Variants in DCUN1D5 observed in about 807,000 individuals in gnomAD.
DCUN1D5 encodes the protein DCN1-like protein 5.
In DCUN1D5, 10 loss-of-function variants were observed where a neutral mutation model predicts 38.3. The observed-to-expected ratio is 0.26, with a 90% CI of 0.16 to 0.44. DCUN1D5 has a LOEUF of 0.44. Among genes scored for constraint, DCUN1D5 ranks in the 20% least tolerant of loss-of-function variants. DCUN1D5 has a pLI of 1.00. For synonymous variants in DCUN1D5, 93 were observed against 90.9 expected (o/e 1.02, Z -0.13); for missense variants, 148 against 275.3 (o/e 0.54, Z 3.27).
chr11:103,088,430 A>T (rs547360218), intron 2 of DCUN1D5, among the ~76,000 whole-genome samples: 1 of 152,250 alleles, frequency 6.6e-6, no homozygotes, highest in Non-Finnish European at 1.5e-5. Flanking sequence ...ATGAGATAGT[A>T]TAAGTGTTCT....
chr11:103,059,772 C>G lies in DCUN1D5; in HGVS notation c.*2587G>C, dbSNP rs1354232617. ...AGTGGGGGGGTGGGGGGGTTGCAAT[C>G]TGTCCAATCAACATCTGGCTCTACT... On this transcript the variant is annotated 3_prime_UTR_variant, in exon 8 of 8. Coordinates refer to ENST00000260247, the MANE Select transcript of DCUN1D5 (RefSeq NM_032299.4). Among the ~76,000 whole-genome samples the G allele has an allele frequency of 1.3e-5, 2 of 151,900 alleles. No homozygotes were observed. Among genetic ancestry groups the G allele is most frequent in the Non-Finnish European group, 2.9e-5 (2 of 67,992 alleles).
intron 2 of DCUN1D5, among the ~76,000 whole-genome samples, chr11:103,085,328 C>T (rs1862675559): frequency 6.6e-6 from 1 of 152,076 alleles, no homozygotes; most frequent in Admixed American, 6.6e-5. Context: ...ATCCCAGCTA[C>T]GCAGGAGGCT....
rs1464384946 is a variant in DCUN1D5, at chr11:103,086,814, T to C, written c.178+2413A>G. On this transcript the variant is annotated intron_variant, in intron 2 of 7. Coordinates refer to ENST00000260247, the MANE Select transcript of DCUN1D5 (RefSeq NM_032299.4). The surrounding 1 kb of genome is among the most constrained non-coding windows in gnomAD (Gnocchi z 4.1). ...ATATTTTCTTTGCAAAAGTGAAAAT[T>C]AGCTTAAATAAAAAATAAACATAAA... Among the ~76,000 whole-genome samples the C allele has an allele frequency of 6.6e-6, 1 of 152,026 alleles. No homozygotes were observed. The highest frequency in any genetic ancestry group is 1.9e-4 in the East Asian group (1 of 5,200).
rs1236497950 is a variant in DCUN1D5, at chr11:103,083,568, A to C, written c.179-242T>G. On this transcript the variant is annotated intron_variant, in intron 2 of 7. Coordinates refer to ENST00000260247, the MANE Select transcript of DCUN1D5 (RefSeq NM_032299.4). This position sits in a 1 kb window ranked among gnomAD's most constrained non-coding sequence, Gnocchi z 4.4. ...AAAATTTAAAAAGCAGCAAAGAAATACTCCATTAGTATCAATCACAAGTTA... is the reference window on the plus strand; with the variant it reads ...AAAATTTAAAAAGCAGCAAAGAAATCCTCCATTAGTATCAATCACAAGTTA... Among the ~76,000 whole-genome samples, 1 of 151,972 alleles carries C rather than the reference A, an allele frequency of 6.6e-6. No homozygotes were observed. The highest frequency in any genetic ancestry group is 2.4e-5 in the African/African-American group (1 of 41,420).
Position 103,059,413 on chromosome 11 carries a change from T to C in DCUN1D5, c.*2946A>G, listed in dbSNP as rs1861955462. 6.6e-6 allele frequency among the ~76,000 whole-genome samples: 1 copy of C among 152,156 alleles called. No individual in the cohort carries two copies. Among genetic ancestry groups the C allele is most frequent in the African/African-American group, 2.4e-5 (1 of 41,434 alleles). On this transcript the variant is annotated 3_prime_UTR_variant, in exon 8 of 8. Coordinates refer to ENST00000260247, the MANE Select transcript of DCUN1D5 (RefSeq NM_032299.4). ...TTGGTTTGCTAGATGAAAAGGCATT[T>C]GTATTTAAGAGAAATACTCCTCAAT... is the stretch of plus-strand genomic sequence containing the variant.
At position 103,054,698 on chromosome 11, in the gene DCUN1D5, T is replaced by C. The variant is rs1294558693; in HGVS notation, c.*7661A>G. 6.6e-6 allele frequency: 1 copy of C among 152,142 alleles called. No homozygotes were observed. Among genetic ancestry groups the C allele is most frequent in the East Asian group, 1.9e-4 (1 of 5,198 alleles). 9.4% of individuals were successfully genotyped at this position (152,142 alleles called of 1,614,324 possible). Reference sequence around the variant, plus strand: ...CTTCTGACTGGCTTTAATATTCATATATGTGGTGGAAGACCCTCTATATCA... The same window carrying C: ...CTTCTGACTGGCTTTAATATTCATACATGTGGTGGAAGACCCTCTATATCA... On this transcript the variant is annotated 3_prime_UTR_variant, in exon 8 of 8. Coordinates refer to ENST00000260247, the MANE Select transcript of DCUN1D5 (RefSeq NM_032299.4).
rs1045954355 is a variant in DCUN1D5, at chr11:103,063,225, C to T, written c.659-811G>A. 6.6e-6 allele frequency among the ~76,000 whole-genome samples: 1 copy of T among 152,108 alleles called. No individual in the cohort carries two copies. Among genetic ancestry groups the T allele is most frequent in the Non-Finnish European group, 1.5e-5 (1 of 67,986 alleles). On this transcript the variant is annotated intron_variant, in intron 7 of 7. Coordinates refer to ENST00000260247, the MANE Select transcript of DCUN1D5 (RefSeq NM_032299.4). The surrounding 1 kb of genome is among the most constrained non-coding windows in gnomAD (Gnocchi z 4.6). ...TGAAAAGCAAGTCCAACACAGTTAACACTTGACTCCAGCCTCTGACTCCTA... is the reference window on the plus strand; with the variant it reads ...TGAAAAGCAAGTCCAACACAGTTAATACTTGACTCCAGCCTCTGACTCCTA...
At position 103,059,362 on chromosome 11, in the gene DCUN1D5, T is replaced by C. The variant is rs376214827; in HGVS notation, c.*2997A>G. 2.6e-5 allele frequency among the ~76,000 whole-genome samples: 4 copies of C among 152,120 alleles called. No individual in the cohort carries two copies. The highest frequency in any genetic ancestry group is 5.9e-5 in the Non-Finnish European group (4 of 68,018). ...TTACTCCCACCCCGACCCCGAGTGATGGCATTCAATATTAAGATATAATTT... is the reference window on the plus strand; with the variant it reads ...TTACTCCCACCCCGACCCCGAGTGACGGCATTCAATATTAAGATATAATTT... On this transcript the variant is annotated 3_prime_UTR_variant, in exon 8 of 8. Transcript: ENST00000260247.
At chr11:103,072,348 A>T (rs978632657) in intron 4 of DCUN1D5, among the ~76,000 whole-genome samples, 12 of 151,434 alleles carry the variant, frequency 7.9e-5, no homozygotes, top group East Asian at 1.9e-4. Context: ...CTAGATCTAG[A>T]TCTAGATCTA....
chr11:103,077,715 A>G lies in DCUN1D5; in HGVS notation c.341+5033T>C, dbSNP rs112988704. Among the ~76,000 whole-genome samples the G allele has an allele frequency of 5.1e-4, 77 of 152,368 alleles. No individual in the cohort carries two copies. The highest frequency in any genetic ancestry group is 1.8e-3 in the African/African-American group (75 of 41,588). On this transcript the variant is annotated intron_variant, in intron 4 of 7. Transcript: ENST00000260247. This position sits in a 1 kb window ranked among gnomAD's most constrained non-coding sequence, Gnocchi z 4.3. Reference sequence around the variant, plus strand: ...GTAAGTGAGGCTCTCTTCCTAATCCATAAGTCCCAGTGACTGTGCTGTGAC... The same window carrying G: ...GTAAGTGAGGCTCTCTTCCTAATCCGTAAGTCCCAGTGACTGTGCTGTGAC...
At chr11:103,075,423 C>A (rs538822547) in intron 4 of DCUN1D5, among the ~76,000 whole-genome samples, 1 of 152,116 alleles carries the variant, frequency 6.6e-6, no homozygotes. Context: ...ACTCTGTCGC[C>A]CAGGCTGGAG....
chr11:103,081,680 A>C (rs193290849), intron 4 of DCUN1D5, among the ~76,000 whole-genome samples: 3 of 152,272 alleles, frequency 2.0e-5, no homozygotes, highest in African/African-American at 7.2e-5. Flanking sequence ...CAGACTATTA[A>C]AAAAATGGAA....
chr11:103,055,447 T>C lies in DCUN1D5; in HGVS notation c.*6912A>G, dbSNP rs922750437. ...GCACTCCAGATGTTGTTATTCTTAA[T>C]ATAAAAAACTGTATTACTTCAAAAC... On this transcript the variant is annotated 3_prime_UTR_variant, in exon 8 of 8. Transcript: ENST00000260247. 21 of 152,130 alleles carry C rather than the reference T, an allele frequency of 1.4e-4. No homozygotes were observed. Among genetic ancestry groups the C allele is most frequent in the African/African-American group, 5.1e-4 (21 of 41,438 alleles). 9.4% of individuals were successfully genotyped at this position (152,130 alleles called of 1,614,324 possible). A position where few individuals can be genotyped will look rare whatever the true frequency, so the allele number is the denominator to read the frequency against.
chr11:103,057,148 A>G lies in DCUN1D5; in HGVS notation c.*5211T>C, dbSNP rs994363362. On this transcript the variant is annotated 3_prime_UTR_variant, in exon 8 of 8. Coordinates refer to ENST00000260247, the MANE Select transcript of DCUN1D5 (RefSeq NM_032299.4). This position sits in a 1 kb window ranked among gnomAD's most constrained non-coding sequence, Gnocchi z 4.8. ...ATTTCTACATTTGTAGATAAAAGTAACTGTGTATGAACTTGCTCTAAGCCA... is the reference window on the plus strand; with the variant it reads ...ATTTCTACATTTGTAGATAAAAGTAGCTGTGTATGAACTTGCTCTAAGCCA... Among the ~76,000 whole-genome samples the G allele has an allele frequency of 6.6e-6, 1 of 152,192 alleles. No homozygotes were observed. Among genetic ancestry groups the G allele is most frequent in the South Asian group, 2.1e-4 (1 of 4,828 alleles).
rs940665623 is a variant in DCUN1D5 at position 103,054,044 on chromosome 11, C to T, written c.*8315G>A. 3.3e-5 allele frequency: 5 copies of T among 152,124 alleles called. No homozygotes were observed. Among genetic ancestry groups the T allele is most frequent in the Non-Finnish European group, 5.9e-5 (4 of 67,974 alleles). 9.4% of individuals were successfully genotyped at this position (152,124 alleles called of 1,614,324 possible). On this transcript the variant is annotated 3_prime_UTR_variant, in exon 8 of 8. Transcript: ENST00000260247. ...TGCAAGAGGACCATGTATGGGAAAA[C>T]TTTCCAGGTGAAAAGCAGGAAAAAG... is the stretch of plus-strand genomic sequence containing the variant.
chr11:103,055,583 A>C lies in DCUN1D5; in HGVS notation c.*6776T>G, dbSNP rs905703553. 5 of 152,256 alleles carry C rather than the reference A, an allele frequency of 3.3e-5. No individual in the cohort carries two copies. The highest frequency in any genetic ancestry group is 1.3e-4 in the Admixed American group (2 of 15,298). 9.4% of individuals were successfully genotyped at this position (152,256 alleles called of 1,614,324 possible). A position where few individuals can be genotyped will look rare whatever the true frequency, so the allele number is the denominator to read the frequency against. ...TTGCTTTTTAAATCTTAGTGCTTCT[A>C]CAACACTATAGAAAGTAATGGTTTG... On this transcript the variant is annotated 3_prime_UTR_variant, in exon 8 of 8. Transcript: ENST00000260247.
At chr11:103,072,034 T>C (rs1862283882) in intron 4 of DCUN1D5, among the ~76,000 whole-genome samples, 1 of 150,930 alleles carries the variant, frequency 6.6e-6, no homozygotes, top group Non-Finnish European at 1.5e-5. Flanking sequence ...CCATTCATGA[T>C]AAAACTCAGA....
Position 103,061,622 on chromosome 11 carries a change from A to G in DCUN1D5, c.*737T>C, listed in dbSNP as rs1203832425. ...CAAAAAAAAAAAAAAAAAGTGCTTT[A>G]AACAAAATTCCCTATATAATGACAG... On this transcript the variant is annotated 3_prime_UTR_variant, in exon 8 of 8. Transcript: ENST00000260247. Among the ~76,000 whole-genome samples, 4 of 151,424 alleles carry G rather than the reference A, an allele frequency of 2.6e-5. No homozygotes were observed. The highest frequency in any genetic ancestry group is 2.6e-4 in the Admixed American group (4 of 15,198).
chr11:103,060,558 G>A lies in DCUN1D5; in HGVS notation c.*1801C>T, dbSNP rs1471008002. On this transcript the variant is annotated 3_prime_UTR_variant, in exon 8 of 8. Transcript: ENST00000260247. ...GATTTGGGTATACACAAGGGTCCTG[G>A]TATCAATCTCCTGCGTATACCAAGG... Among the ~76,000 whole-genome samples, 3 of 152,076 alleles carry A rather than the reference G, an allele frequency of 2.0e-5. No homozygotes were observed. Among genetic ancestry groups the A allele is most frequent in the Non-Finnish European group, 4.4e-5 (3 of 68,012 alleles).
Sources: allele counts gnomAD v4.1 joint callset (sites outside exome capture counted in the v4.1 genomes callset), GRCh38; gene constraint gnomAD v4.1.1; non-coding constraint Gnocchi (gnomAD v3.1); transcripts MANE v1.5; gene names NCBI Gene and HGNC (gene_info 2026-07-23, HGNC 2026-07-21).